Variants in PGPEP1 observed in about 807,000 individuals in gnomAD.
The protein encoded by PGPEP1 is pyroglutamyl-peptidase I.
PGPEP1 carries 15 observed loss-of-function variants against 24.1 expected under a neutral mutation model. The observed-to-expected ratio is 0.62, with a 90% CI of 0.42 to 0.96. The LOEUF (loss-of-function observed/expected upper bound fraction) is 0.96. Ranked by LOEUF, PGPEP1 falls within the 40% of genes least tolerant of loss-of-function variation. The probability of loss-of-function intolerance (pLI) is 0.00; values close to 1 mark genes in which losing one functional copy is unlikely to be tolerated. For missense variants in PGPEP1, 242 were observed against 273.4 expected, an observed-to-expected ratio of 0.89 and a Z score of 0.81; for synonymous variants, 122 against 116.4, an observed-to-expected ratio of 1.05 and a Z score of -0.31.
At chr19:18,352,524 G>A (rs769845104) in intron 2 of PGPEP1, among the ~76,000 whole-genome samples, 6 of 151,572 alleles carry the variant, frequency 4.0e-5, no homozygotes, top group Non-Finnish European at 5.9e-5. Flanking sequence ...GTTTGTTGAC[G>A]GAACGGATGG....
At chr19:18,361,812 C>A in intron 4 of PGPEP1, 1 of 985,196 alleles carries the variant, frequency 1.0e-6, no homozygotes, top group South Asian at 4.7e-5. Flanking sequence ...TTTGCTTTTA[C>A]GTGGATGGAG....
At chr19:18,348,557 G>C (rs1052825535) in intron 2 of PGPEP1, among the ~76,000 whole-genome samples, 1 of 152,098 alleles carries the variant, frequency 6.6e-6, no homozygotes, top group Non-Finnish European at 1.5e-5. Context: ...CCTTCTCCCG[G>C]AGGAGAACCA....
At chr19:18,354,744 C>T (rs893740286) in intron 2 of PGPEP1, among the ~76,000 whole-genome samples, 2 of 152,092 alleles carry the variant, frequency 1.3e-5, no homozygotes, top group African/African-American at 2.4e-5. Flanking sequence ...TCTCAAACTC[C>T]TGGGTTCAAG....
chr19:18,344,995 C>T (rs1448789100), intron 2 of PGPEP1, among the ~76,000 whole-genome samples: 1 of 152,030 alleles, frequency 6.6e-6, no homozygotes, highest in Non-Finnish European at 1.5e-5. Flanking sequence ...GCAGTTTCCA[C>T]TTTTTGCTTT....
In PGPEP1 at chr19:18,366,592, T is replaced by C. The variant is rs1369149859; in HGVS notation, c.*3009T>C. 1 of 152,108 alleles carries C rather than the reference T, an allele frequency of 6.6e-6. No individual in the cohort carries two copies. The highest frequency in any genetic ancestry group is 2.4e-5 in the African/African-American group (1 of 41,416). The allele number at this position is 152,108 out of a possible 1,614,324, so 9.4% of individuals were successfully genotyped here. On this transcript the variant is annotated 3_prime_UTR_variant, in exon 5 of 5. Transcript: ENST00000269919. ...TTTACACAATTCTCCTGCCTCAGCCTCCCGAGTAGCTGGGATTACAGGCGC... is the reference window on the plus strand; with the variant it reads ...TTTACACAATTCTCCTGCCTCAGCCCCCCGAGTAGCTGGGATTACAGGCGC...
intron 4 of PGPEP1, among the ~76,000 whole-genome samples, chr19:18,362,793 G>T (rs946338918): frequency 1.3e-5 from 2 of 151,654 alleles, no homozygotes; most frequent in African/African-American, 2.4e-5. Context: ...TCAGGAGGGT[G>T]GGGTAGGAGG....
At position 18,365,737 on chromosome 19, in the gene PGPEP1, T is replaced by C. The variant is rs1052472951; in HGVS notation, c.*2154T>C. ...ATGCTGGCAGTGGTTCCTACCTCTGTTGGGTTTCTAGATAGTTTGGGAACG... is the reference window on the plus strand; with the variant it reads ...ATGCTGGCAGTGGTTCCTACCTCTGCTGGGTTTCTAGATAGTTTGGGAACG... On this transcript the variant is annotated 3_prime_UTR_variant, in exon 5 of 5. Transcript: ENST00000269919. 2.6e-5 allele frequency: 4 copies of C among 152,170 alleles called. No individual in the cohort carries two copies. Among genetic ancestry groups the C allele is most frequent in the African/African-American group, 2.4e-5 (1 of 41,422 alleles). The allele number at this position is 152,170 out of a possible 1,614,324, so 9.4% of individuals were successfully genotyped here. A position where few individuals can be genotyped will look rare whatever the true frequency, so the allele number is the denominator to read the frequency against.
chr19:18,349,310 T>TAG (rs1970952317), intron 2 of PGPEP1, among the ~76,000 whole-genome samples: 1 of 152,092 alleles, frequency 6.6e-6, no homozygotes, highest in Non-Finnish European at 1.5e-5. Context: ...GCCTCCTGGG[T>TAG]AGCTGGGACT....
intron 4 of PGPEP1, chr19:18,357,885 TCCTC>T: frequency 6.2e-6 from 3 of 484,538 alleles, no homozygotes; most frequent in Non-Finnish European, 7.5e-6. Context: ...ATCTCAGTCT[TCCTC>T]CCTGCTGCCT....
chr19:18,362,612 C>T (rs937022247), intron 4 of PGPEP1, among the ~76,000 whole-genome samples: 1 of 151,344 alleles, frequency 6.6e-6, no homozygotes, highest in African/African-American at 2.4e-5. Context: ...CCCGTAATCC[C>T]AGCTACTCGG....
At chr19:18,350,098 G>A (rs1488512590) in intron 2 of PGPEP1, among the ~76,000 whole-genome samples, 1 of 152,012 alleles carries the variant, frequency 6.6e-6, no homozygotes, top group East Asian at 1.9e-4. Flanking sequence ...TTGGCTCACT[G>A]CAACCTCCAC....
chr19:18,349,888 G>A (rs1375137053), intron 2 of PGPEP1, among the ~76,000 whole-genome samples: 2 of 152,080 alleles, frequency 1.3e-5, no homozygotes, highest in Admixed American at 6.6e-5. Context: ...CATTTGGTGT[G>A]TGGGGGCTTT....
chr19:18,351,111 A>G (rs1971007411), intron 2 of PGPEP1, among the ~76,000 whole-genome samples: 1 of 151,224 alleles, frequency 6.6e-6, no homozygotes, highest in African/African-American at 2.5e-5. Flanking sequence ...GTCTCTACTA[A>G]AAATACAAAA....
chr19:18,358,422 G>A (rs541944261), intron 4 of PGPEP1, among the ~76,000 whole-genome samples: 16 of 151,506 alleles, frequency 1.1e-4, no homozygotes, highest in East Asian at 7.8e-4. Context: ...CACCACGCCC[G>A]GATAATTTTA....
Position 18,366,307 on chromosome 19 carries a change from A to T in PGPEP1, c.*2724A>T, listed in dbSNP as rs1171065473. The T allele has an allele frequency of 1.3e-5, 2 of 152,170 alleles. No individual in the cohort carries two copies. The highest frequency in any genetic ancestry group is 3.8e-4 in the East Asian group (2 of 5,196). 9.4% of individuals were successfully genotyped at this position (152,170 alleles called of 1,614,324 possible). On this transcript the variant is annotated 3_prime_UTR_variant, in exon 5 of 5. Transcript: ENST00000269919. ...CTCTGTGTTTAAAGCACTGTGTGAC[A>T]TAGCTCCTTAGAGATATAACCTATT...
At chr19:18,354,817 C>G (rs1971131345) in intron 2 of PGPEP1, among the ~76,000 whole-genome samples, 1 of 151,952 alleles carries the variant, frequency 6.6e-6, no homozygotes, top group African/African-American at 2.4e-5. Flanking sequence ...TGCACCCAGC[C>G]CCATTTCTAA....
In PGPEP1 at chr19:18,363,750, C is replaced by T. The variant is rs1971425391; in HGVS notation, c.*167C>T. The stretch of plus-strand genomic sequence containing the variant: ...TCTTCCTCCTTCTCTACAAAAGCTC[C>T]GGTTGATTCGAGGGAAGTGGTGAAA... On this transcript the variant is annotated 3_prime_UTR_variant, in exon 5 of 5. Transcript: ENST00000269919. 1.3e-5 allele frequency: 7 copies of T among 519,448 alleles called. No homozygotes were observed. The highest frequency in any genetic ancestry group is 7.4e-5 in the South Asian group (2 of 26,958). 32.2% of individuals were successfully genotyped at this position (519,448 alleles called of 1,614,324 possible).
At chr19:18,363,021 AG>A (rs903458498) in intron 4 of PGPEP1, among the ~76,000 whole-genome samples, 1 of 92,002 alleles carries the variant, frequency 1.1e-5, no homozygotes, top group Non-Finnish European at 2.3e-5. Flanking sequence ...GGAGTTATCA[AG>A]TTTTTTTTGT....
intron 4 of PGPEP1, among the ~76,000 whole-genome samples, chr19:18,360,245 C>G (rs1480278019): frequency 6.6e-6 from 1 of 152,140 alleles, no homozygotes; most frequent in African/African-American, 2.4e-5. Context: ...CTCAAGTGAT[C>G]CTTGTGCCTC....
Sources: allele counts gnomAD v4.1 joint callset (sites outside exome capture counted in the v4.1 genomes callset), GRCh38; gene constraint gnomAD v4.1.1; transcripts MANE v1.5; gene names NCBI Gene and HGNC (gene_info 2026-07-23, HGNC 2026-07-21).